The following ARHGEF11 variants were observed in gnomAD, a reference collection of about 807,000 sequenced individuals.
ARHGEF11 encodes Rho guanine exchange factor (GEF) 11.
A neutral mutation model predicts 193.7 loss-of-function variants in ARHGEF11; 55 were observed. The observed-to-expected ratio is 0.28, with a 90% CI of 0.23 to 0.36. The LOEUF is 0.36. ARHGEF11 is among the 10% of genes least tolerant of loss of function. The pLI, the probability that ARHGEF11 is intolerant of heterozygous loss-of-function variation, is 1.00. For synonymous variants in ARHGEF11, 693 were observed against 768.0 expected (o/e 0.90, Z 1.62); for missense variants, 1,723 against 2,005.6 (o/e 0.86, Z 2.69).
chr1:156,981,024 C>T (rs888083790), intron 3 of ARHGEF11, among the ~76,000 whole-genome samples: 10 of 151,978 alleles, frequency 6.6e-5, no homozygotes, highest in African/African-American at 1.9e-4. Flanking sequence ...AAGCCATTTA[C>T]AGTTTCTCCC....
intron 7 of ARHGEF11, among the ~76,000 whole-genome samples, chr1:156,976,078 C>A (rs1231592065): frequency 6.6e-6 from 1 of 152,172 alleles, no homozygotes; most frequent in Non-Finnish European, 1.5e-5. Context: ...ATCTTTGTAA[C>A]CATTCCAACA....
intron 3 of ARHGEF11, among the ~76,000 whole-genome samples, chr1:156,982,813 AAG>A (rs1423052018): frequency 6.6e-6 from 1 of 152,214 alleles, no homozygotes; most frequent in East Asian, 1.9e-4. Context: ...CCTGAGAAAT[AAG>A]AGAAGCAAAT....
chr1:157,013,054 T>C (rs1404679921), intron 1 of ARHGEF11, among the ~76,000 whole-genome samples: 1 of 152,092 alleles, frequency 6.6e-6, no homozygotes, highest in Non-Finnish European at 1.5e-5. Flanking sequence ...AGGAGGTATA[T>C]GAAGTTGACA....
Position 156,937,265 on chromosome 1 carries a change from T to A in ARHGEF11, c.4424A>T (p.Lys1475Met). ...IFHTIEQLTL[K>M]LNRLKDMELA... is the part of the protein sequence containing the mutation. ...TTCCCTCACCTTGAGCCTGTTGAGC[T>A]TGAGAGTGAGCTGCTCAATGGTATG... Residue 1475 changes from lysine to methionine, a missense_variant, in exon 39 of 41, where the codon AAG (lysine) becomes ATG (methionine). Transcript: ENST00000368194. 6.2e-7 allele frequency: 1 copy of A among 1,613,884 alleles called. No individual in the cohort carries two copies. Among genetic ancestry groups the A allele is most frequent in the Non-Finnish European group, 8.5e-7 (1 of 1,179,882 alleles).
chr1:156,997,037 A>T (rs1454939108), intron 1 of ARHGEF11, among the ~76,000 whole-genome samples: 8 of 151,100 alleles, frequency 5.3e-5, no homozygotes, highest in African/African-American at 7.3e-5. Flanking sequence ...AGTTAAAAAA[A>T]ATTTTTTTTT....
chr1:156,947,921 T>C lies in ARHGEF11; in HGVS notation c.2189A>G (p.Asp730Gly). The C allele has an allele frequency of 5.6e-6, 9 of 1,614,068 alleles. No homozygotes were observed. The highest frequency in any genetic ancestry group is 7.6e-6 in the Non-Finnish European group (9 of 1,180,000). ...IESPSLGFCT[D>G]TLLPHLLEDD... ...CTCTAGGAGGTGGGGAAGGAGGGTA[T>C]CTGTGCAGAACCCCAAACTGGGGGA... Residue 730 changes from aspartate (D) to glycine (G), a missense_variant, in exon 25 of 41, where the codon GAT becomes GGT. Physicochemically the swap from Asp to Gly is moderately conservative, Grantham distance 94 (BLOSUM62 -1). Coordinates refer to ENST00000368194, the MANE Select transcript of ARHGEF11 (RefSeq NM_198236.3).
At chr1:157,007,899 G>GTTTTTTTTTTTTGTTTTTTTTTTTTTTT (rs1668017982) in intron 1 of ARHGEF11, among the ~76,000 whole-genome samples, 2 of 128,974 alleles carry the variant, frequency 1.6e-5, no homozygotes, top group Non-Finnish European at 1.6e-5. Flanking sequence ...GAAGGCAAAG[G>GTTTTTTTTTTTTGTTTTTTTTTTTTTTT]TTTTTTTTTT....
intron 37 of ARHGEF11, chr1:156,939,201 G>T: frequency 3.3e-6 from 1 of 302,724 alleles, no homozygotes; most frequent in Non-Finnish European, 6.2e-6. Flanking sequence ...TCTTTTCCCT[G>T]GGAACAGGAG....
intron 25 of ARHGEF11, 93 bp from the exon 26 acceptor site, chr1:156,947,543 T>C (rs1194877747): frequency 1.4e-5 from 20 of 1,429,278 alleles, no homozygotes; most frequent in Non-Finnish European, 1.9e-5. Flanking sequence ...CACACCACTC[T>C]ATTTTTGGGG....
chr1:157,045,991 G>A (rs1273666193), upstream of ARHGEF11, among the ~76,000 whole-genome samples: 1 of 150,668 alleles, frequency 6.6e-6, no homozygotes, highest in South Asian at 2.1e-4. Flanking sequence ...GCCTTTCCCT[G>A]CCTCGGTTCC....
intron 14 of ARHGEF11, 83 bp from the exon 15 acceptor site, chr1:156,960,543 G>C: frequency 2.2e-6 from 3 of 1,365,344 alleles, no homozygotes; most frequent in Non-Finnish European, 3.1e-6. Flanking sequence ...AGGAGGGCTT[G>C]GCCACATGAA....
At chr1:156,987,569 G>A (rs951541248) in intron 1 of ARHGEF11, among the ~76,000 whole-genome samples, 5 of 152,158 alleles carry the variant, frequency 3.3e-5, no homozygotes, top group Non-Finnish European at 5.9e-5. Context: ...GAAACTGGGT[G>A]GCTGGGGCAC....
At chr1:157,013,297 A>C (rs1045836320) in intron 1 of ARHGEF11, among the ~76,000 whole-genome samples, 13 of 150,310 alleles carry the variant, frequency 8.6e-5, no homozygotes, top group Non-Finnish European at 1.9e-4. Flanking sequence ...ACACACACAC[A>C]CACCAAGAAC....
chr1:156,996,975 C>A (rs1666607257), intron 1 of ARHGEF11, among the ~76,000 whole-genome samples: 1 of 151,032 alleles, frequency 6.6e-6, no homozygotes, highest in Non-Finnish European at 1.5e-5. Flanking sequence ...GATCCTTCCG[C>A]CTCAGCCTCT....
intron 25 of ARHGEF11, 89 bp downstream of exon 25, chr1:156,947,680 T>G: frequency 1.3e-6 from 2 of 1,516,104 alleles, no homozygotes; most frequent in East Asian, 4.7e-5. Flanking sequence ...CCCACCCTAT[T>G]TACCTCTTTC....
At chr1:156,986,386 C>T (rs1664922291) in intron 1 of ARHGEF11, among the ~76,000 whole-genome samples, 1 of 152,108 alleles carries the variant, frequency 6.6e-6, no homozygotes, top group African/African-American at 2.4e-5. Flanking sequence ...CAAGCATGAT[C>T]TCTTTAATAC....
At chr1:157,015,173 G>A (rs1254110546) in intron 1 of ARHGEF11, among the ~76,000 whole-genome samples, 2 of 152,140 alleles carry the variant, frequency 1.3e-5, no homozygotes, top group Non-Finnish European at 2.9e-5. Flanking sequence ...AATTGTCTAT[G>A]CTTCTCATTT....
At chr1:157,010,853 T>C (rs555025771) in intron 1 of ARHGEF11, among the ~76,000 whole-genome samples, 4 of 152,296 alleles carry the variant, frequency 2.6e-5, no homozygotes, top group African/African-American at 7.2e-5. Flanking sequence ...CTAAAAACTA[T>C]AAAATATCAC....
At chr1:156,978,896 G>C (rs1353292553) in intron 5 of ARHGEF11, among the ~76,000 whole-genome samples, 5 of 152,214 alleles carry the variant, frequency 3.3e-5, no homozygotes, top group Non-Finnish European at 7.3e-5. Context: ...AAACAAATGA[G>C]GAAGAATGTC....
Sources: gnomAD v4.1 joint callset for allele counts (sites outside exome capture counted in the v4.1 genomes callset) on GRCh38, gnomAD v4.1.1 for gene constraint, MANE v1.5 for transcripts, NCBI Gene and HGNC (gene_info 2026-07-23, HGNC 2026-07-21) for gene names.